PRKG1: variants seen among roughly 807,000 people sequenced by gnomAD.
The protein encoded by PRKG1 is protein kinase cGMP-dependent 1.
Under a neutral mutation model 88.1 loss-of-function variants are expected in PRKG1, and 35 were observed. The ratio of observed to expected loss-of-function variants is 0.40; its 90% CI spans 0.30 to 0.53. The LOEUF (loss-of-function observed/expected upper bound fraction) is 0.53, where lower values mean the gene tolerates loss of function less well. PRKG1 is among the 20% of genes least tolerant of loss of function. The pLI, the probability that PRKG1 is intolerant of heterozygous loss-of-function variation, is 0.59. For synonymous variants in PRKG1, 303 were observed against 292.5 expected (o/e 1.04, Z -0.37); for missense variants, 540 against 839.8 (o/e 0.64, Z 4.41).
chr10:51,631,870 T>C (rs1390239057), intron 3 of PRKG1, among the ~76,000 whole-genome samples: 3 of 152,148 alleles, frequency 2.0e-5, no homozygotes, highest in Non-Finnish European at 4.4e-5. Flanking sequence ...GTGAGGAACA[T>C]GTTTGTAACC....
At chr10:51,454,620 T>C (rs1003613386) in intron 2 of PRKG1, among the ~76,000 whole-genome samples, 21 of 152,064 alleles carry the variant, frequency 1.4e-4, no homozygotes, top group African/African-American at 4.8e-4. Flanking sequence ...CTCATAATCA[T>C]GGTGGAAGCA....
At chr10:51,996,613 T>C (rs370542309) in intron 5 of PRKG1, among the ~76,000 whole-genome samples, 1 of 152,128 alleles carries the variant, frequency 6.6e-6, no homozygotes, top group African/African-American at 2.4e-5. Context: ...AGACTGGCTG[T>C]TATCAAAAAG....
At chr10:52,188,823 G>A (rs1839288425) in intron 9 of PRKG1, among the ~76,000 whole-genome samples, 1 of 152,044 alleles carries the variant, frequency 6.6e-6, no homozygotes, top group South Asian at 2.1e-4. Flanking sequence ...TATCAATCTA[G>A]TAATGTACTG....
intron 13 of PRKG1, among the ~76,000 whole-genome samples, chr10:52,281,571 A>G (rs990561651): frequency 4.6e-5 from 7 of 152,186 alleles, no homozygotes; most frequent in Non-Finnish European, 8.8e-5. Flanking sequence ...TAGAAAAAAT[A>G]TATTTTCTGC....
At chr10:51,022,653 C>A (rs1294082850) in intron 1 of PRKG1, among the ~76,000 whole-genome samples, 4 of 151,994 alleles carry the variant, frequency 2.6e-5, no homozygotes, top group Non-Finnish European at 5.9e-5. Flanking sequence ...ATAGGAAGAA[C>A]AAACACACCT....
At chr10:51,014,381 G>A (rs1183603819) in intron 1 of PRKG1, among the ~76,000 whole-genome samples, 4 of 150,272 alleles carry the variant, frequency 2.7e-5, no homozygotes, top group Non-Finnish European at 5.9e-5. Flanking sequence ...ATCAGCCAAC[G>A]TAAGATGGCT....
intron 9 of PRKG1, among the ~76,000 whole-genome samples, chr10:52,164,328 G>A (rs567343418): frequency 2.6e-5 from 4 of 151,520 alleles, no homozygotes; most frequent in Non-Finnish European, 4.4e-5. Context: ...TCCAGCCTGG[G>A]CGACCAGAGC....
chr10:51,400,212 G>A (rs900941763), intron 2 of PRKG1, among the ~76,000 whole-genome samples: 7 of 152,086 alleles, frequency 4.6e-5, no homozygotes, highest in Non-Finnish European at 1.0e-4. Context: ...TATAAAGACT[G>A]TATTTTTGTA....
intron 7 of PRKG1, among the ~76,000 whole-genome samples, chr10:52,089,989 A>G (rs1466569969): frequency 1.3e-5 from 2 of 151,290 alleles, no homozygotes. Context: ...TAGTTTTCGT[A>G]TTTTTAGTAG....
Position 51,113,243 on chromosome 10 carries a change from G to A in PRKG1, c.311+38342G>A, listed in dbSNP as rs75300850. 4.9e-3 allele frequency among the ~76,000 whole-genome samples: 739 copies of A among 152,336 alleles called. 5 individuals are homozygous for A. Among genetic ancestry groups the A allele is most frequent in the Middle Eastern group, 0.01 (3 of 294 alleles). ...GAAGTTAAGTGACTAACTGAAAGATGCACAGCTAGTCAGTAGCACAGGTAG... is the reference window on the plus strand; with the variant it reads ...GAAGTTAAGTGACTAACTGAAAGATACACAGCTAGTCAGTAGCACAGGTAG... On this transcript the variant is annotated intron_variant, in intron 1 of 17. Transcript: ENST00000373980.
chr10:51,539,401 G>A (rs1421286921), intron 3 of PRKG1, among the ~76,000 whole-genome samples: 2 of 152,144 alleles, frequency 1.3e-5, no homozygotes, highest in African/African-American at 4.8e-5. Flanking sequence ...AGATATGTAA[G>A]TTATCCCTAT....
chr10:51,958,025 T>C (rs780294209), intron 5 of PRKG1, among the ~76,000 whole-genome samples: 4 of 152,160 alleles, frequency 2.6e-5, no homozygotes, highest in Non-Finnish European at 4.4e-5. Flanking sequence ...ATTTTTACCT[T>C]AGATTTTTTT....
intron 5 of PRKG1, among the ~76,000 whole-genome samples, chr10:51,965,308 T>C (rs1047021256): frequency 6.6e-6 from 1 of 152,150 alleles, no homozygotes; most frequent in African/African-American, 2.4e-5. Context: ...TGATTTAGCT[T>C]TCATTTATAA....
At chr10:51,991,960 G>C (rs1203633566) in intron 5 of PRKG1, among the ~76,000 whole-genome samples, 1 of 152,144 alleles carries the variant, frequency 6.6e-6, no homozygotes, top group Non-Finnish European at 1.5e-5. Context: ...TACTATTTAT[G>C]CAATTATTGT....
rs547671805 is a variant in PRKG1, at chr10:51,814,081, T to C, written c.698+9391T>C. Among the ~76,000 whole-genome samples, 188 of 152,296 alleles carry C rather than the reference T, an allele frequency of 1.2e-3. 1 individual carries two copies. The highest frequency in any genetic ancestry group is 4.3e-3 in the African/African-American group (178 of 41,574). On this transcript the variant is annotated intron_variant, in intron 4 of 17. Transcript: ENST00000373980. ...GTGTCTTCTGCAGACATTCAGACACTGCATTTCTGGTTCTTTTTTAACCTC... is the reference window on the plus strand; with the variant it reads ...GTGTCTTCTGCAGACATTCAGACACCGCATTTCTGGTTCTTTTTTAACCTC...
chr10:51,585,973 A>G (rs528377402), intron 3 of PRKG1, among the ~76,000 whole-genome samples: 1 of 152,226 alleles, frequency 6.6e-6, no homozygotes, highest in Admixed American at 6.6e-5. Context: ...GGGGACTAGT[A>G]GAGTGGGGAG....
At chr10:51,786,776 C>T (rs553222672) in intron 3 of PRKG1, among the ~76,000 whole-genome samples, 5 of 152,202 alleles carry the variant, frequency 3.3e-5, no homozygotes, top group South Asian at 2.1e-4. Flanking sequence ...TCAAGCTTTA[C>T]TTGTGACTTA....
chr10:52,042,211 A>G (rs1845769208), intron 5 of PRKG1, among the ~76,000 whole-genome samples: 1 of 152,294 alleles, frequency 6.6e-6, no homozygotes, highest in South Asian at 2.1e-4. Context: ...CTTTGCAGAA[A>G]TAGAAAAATC....
intron 2 of PRKG1, among the ~76,000 whole-genome samples, chr10:51,212,724 C>A (rs1044829631): frequency 6.6e-6 from 1 of 152,200 alleles, no homozygotes; most frequent in African/African-American, 2.4e-5. Flanking sequence ...AAATACTCAT[C>A]ATCACTGGCC....
Sources: gnomAD v4.1 joint callset for allele counts (sites outside exome capture counted in the v4.1 genomes callset) on GRCh38, gnomAD v4.1.1 for gene constraint, MANE v1.5 for transcripts, NCBI Gene and HGNC (gene_info 2026-07-23, HGNC 2026-07-21) for gene names.